The following DDI2 variants were observed in gnomAD, a reference collection of about 807,000 sequenced individuals.
The protein encoded by DDI2 is protein DDI1 homolog 2.
DDI2 carries 5 observed loss-of-function variants against 48.1 expected under a neutral mutation model. The ratio of observed to expected loss-of-function variants is 0.10; its 90% CI spans 0.05 to 0.22. DDI2 has a LOEUF of 0.22. Ranked by LOEUF, DDI2 falls within the 10% of genes least tolerant of loss-of-function variation. DDI2 has a pLI of 1.00. For synonymous variants in DDI2, 205 were observed against 183.6 expected (o/e 1.12, Z -0.94); for missense variants, 285 against 506.2 (o/e 0.56, Z 4.19).
chr1:15,639,367 A>G (rs1570977592), intron 5 of DDI2, among the ~76,000 whole-genome samples: 1 of 152,102 alleles, frequency 6.6e-6, no homozygotes, highest in East Asian at 1.9e-4. Flanking sequence ...TTGCTCAAAT[A>G]ATATTTTCCC....
chr1:15,630,214 G>T, intron 2 of DDI2, 111 bp from the exon 3 acceptor site: 3 of 958,504 alleles, frequency 3.1e-6, no homozygotes, highest in Non-Finnish European at 4.9e-6. Flanking sequence ...AAAGTCTACA[G>T]TTACCTTTGC....
intron 9 of DDI2, among the ~76,000 whole-genome samples, chr1:15,657,470 A>G (rs984878329): frequency 2.0e-5 from 3 of 152,312 alleles, no homozygotes; most frequent in African/African-American, 7.2e-5. Flanking sequence ...CTTAATATCC[A>G]CTGTCCTCAT....
intron 4 of DDI2, among the ~76,000 whole-genome samples, chr1:15,636,634 G>A (rs1639934107): frequency 6.6e-6 from 1 of 152,170 alleles, no homozygotes; most frequent in Admixed American, 6.5e-5. Context: ...ACCACGCCCA[G>A]CTAATTATAG....
intron 4 of DDI2, among the ~76,000 whole-genome samples, chr1:15,634,706 A>T (rs1454985413): frequency 1.3e-5 from 2 of 150,976 alleles, no homozygotes; most frequent in African/African-American, 4.9e-5. Context: ...TAATTTTTTC[A>T]TTTTTTGTAG....
At chr1:15,642,563 G>A (rs148096843) in intron 5 of DDI2, among the ~76,000 whole-genome samples, 18 of 152,230 alleles carry the variant, frequency 1.2e-4, no homozygotes, top group African/African-American at 3.9e-4. Flanking sequence ...TGATCCTCCC[G>A]TCTTGGCCTC....
chr1:15,633,734 T>C, intron 4 of DDI2, 169 bp downstream of exon 4: 1 of 1,011,144 alleles, frequency 9.9e-7, no homozygotes, highest in South Asian at 1.3e-5. Context: ...TTTCTATGCA[T>C]TTCGATTTGA....
intron 2 of DDI2, among the ~76,000 whole-genome samples, chr1:15,628,331 A>G (rs960888770): frequency 6.6e-6 from 1 of 152,218 alleles, no homozygotes; most frequent in Admixed American, 6.5e-5. Flanking sequence ...AGTTGAAGAA[A>G]GTGGCTAGTT....
intron 9 of DDI2, chr1:15,657,032 G>C: frequency 5.8e-6 from 1 of 173,382 alleles, no homozygotes; most frequent in Admixed American, 6.0e-5. Flanking sequence ...GGTTTCATAA[G>C]TGCCTTTCCT....
intron 6 of DDI2, among the ~76,000 whole-genome samples, chr1:15,645,035 G>A (rs528663416): frequency 3.2e-4 from 48 of 152,232 alleles, no homozygotes; most frequent in African/African-American, 1.1e-3. Flanking sequence ...GGTCACAGGC[G>A]TGCACCACCA....
intron 8 of DDI2, among the ~76,000 whole-genome samples, chr1:15,655,219 G>A (rs1390348621): frequency 1.3e-5 from 2 of 152,154 alleles, no homozygotes; most frequent in Non-Finnish European, 2.9e-5. Flanking sequence ...TAATGTTTAA[G>A]TAATGAAATA....
At chr1:15,645,018 G>A (rs1215238559) in intron 6 of DDI2, among the ~76,000 whole-genome samples, 2 of 133,620 alleles carry the variant, frequency 1.5e-5, no homozygotes, top group African/African-American at 6.2e-5. Context: ...GCCTCCCTGA[G>A]TAGCCGGGTC....
Position 15,665,346 on chromosome 1 carries a change from C to T in DDI2, c.*5556C>T, listed in dbSNP as rs944759144. 2.0e-5 allele frequency: 3 copies of T among 151,866 alleles called. No individual in the cohort carries two copies. Among genetic ancestry groups the T allele is most frequent in the Non-Finnish European group, 2.9e-5 (2 of 68,062 alleles). 9.4% of individuals were successfully genotyped at this position (151,866 alleles called of 1,614,324 possible). A position where few individuals can be genotyped will look rare whatever the true frequency, so the allele number is the denominator to read the frequency against. On this transcript the variant is annotated 3_prime_UTR_variant, in exon 10 of 10. Transcript: ENST00000480945. ...AGTGCATGTGTTAAAACTCTTCTGC[C>T]TTGCAGCCCACATCTTCTAGAGCTC...
chr1:15,628,068 T>C (rs997019533), intron 2 of DDI2, among the ~76,000 whole-genome samples: 8 of 152,172 alleles, frequency 5.3e-5, no homozygotes, highest in Non-Finnish European at 1.2e-4. Flanking sequence ...TTCTTTTTTT[T>C]TTTCCTCTGC....
In DDI2 at chr1:15,620,717, C is replaced by T. The variant is rs1002142506; in HGVS notation, c.138+2909C>T. 3.3e-5 allele frequency among the ~76,000 whole-genome samples: 5 copies of T among 152,094 alleles called. No homozygotes were observed. The South Asian group carries it at 6.2e-4, about 19-fold the overall frequency. On this transcript the variant is annotated intron_variant, in intron 1 of 9. Coordinates refer to ENST00000480945, the MANE Select transcript of DDI2 (RefSeq NM_032341.5). ...AATACATTATATACATGAACTGATA[C>T]GTTGTATACATTATATATGGCCACA...
At chr1:15,627,625 T>G (rs1189846713) in intron 2 of DDI2, among the ~76,000 whole-genome samples, 1 of 152,230 alleles carries the variant, frequency 6.6e-6, no homozygotes, top group Non-Finnish European at 1.5e-5. Flanking sequence ...ATAGCTTTGT[T>G]CAGATACTTG....
At chr1:15,657,220 A>T (rs1640285931) in intron 9 of DDI2, among the ~76,000 whole-genome samples, 2 of 152,252 alleles carry the variant, frequency 1.3e-5, no homozygotes, top group African/African-American at 2.4e-5. Flanking sequence ...CTGGCCTGAC[A>T]GATTTTCAGG....
chr1:15,652,460 G>A (rs934795479), intron 8 of DDI2, among the ~76,000 whole-genome samples: 1 of 102,950 alleles, frequency 9.7e-6, no homozygotes, highest in Non-Finnish European at 2.2e-5. Context: ...GGGGGGGGGG[G>A]GGGGGCGGAT....
At chr1:15,643,048 CAG>C (rs1640034348) in intron 5 of DDI2, among the ~76,000 whole-genome samples, 1 of 151,868 alleles carries the variant, frequency 6.6e-6, no homozygotes, top group South Asian at 2.1e-4. Flanking sequence ...GCCTGGGCGA[CAG>C]AGCGAGACTG....
At position 15,665,378 on chromosome 1, in the gene DDI2, T is replaced by G. The variant is rs1396320952; in HGVS notation, c.*5588T>G. 6.6e-6 allele frequency: 1 copy of G among 152,156 alleles called. No homozygotes were observed. Among genetic ancestry groups the G allele is most frequent in the Non-Finnish European group, 1.5e-5 (1 of 68,068 alleles). 9.4% of individuals were successfully genotyped at this position (152,156 alleles called of 1,614,324 possible). ...CCCACATCTTCTAGAGCTCCCTGTCTTCATATGTACTAAAGGGAGACACAA... is the reference window on the plus strand; with the variant it reads ...CCCACATCTTCTAGAGCTCCCTGTCGTCATATGTACTAAAGGGAGACACAA... On this transcript the variant is annotated 3_prime_UTR_variant, in exon 10 of 10. Coordinates refer to ENST00000480945, the MANE Select transcript of DDI2 (RefSeq NM_032341.5).
Sources: gnomAD v4.1 joint callset for allele counts (sites outside exome capture counted in the v4.1 genomes callset) on GRCh38, gnomAD v4.1.1 for gene constraint, MANE v1.5 for transcripts, NCBI Gene and HGNC (gene_info 2026-07-23, HGNC 2026-07-21) for gene names.